The following SLC9A3 variants were observed in gnomAD, a reference collection of about 807,000 sequenced individuals.
SLC9A3 encodes the protein sodium/hydrogen exchanger 3.
In SLC9A3, 37 loss-of-function variants were observed where a neutral mutation model predicts 86.8. That is an observed-to-expected ratio of 0.43 (90% confidence interval 0.33 to 0.56). The LOEUF is 0.56. Among genes scored for constraint, SLC9A3 ranks in the 20% least tolerant of loss-of-function variants. SLC9A3 has a pLI of 0.06. For synonymous variants in SLC9A3, 581 were observed against 528.3 expected (o/e 1.10, Z -1.37); for missense variants, 1,011 against 1,171.9 (o/e 0.86, Z 2.00).
At chr5:486,904 A>C (rs868389377) in intron 3 of SLC9A3, among the ~76,000 whole-genome samples, 3 of 104,386 alleles carry the variant, frequency 2.9e-5, no homozygotes, top group African/African-American at 1.2e-4. Context: ...ACCGTGATCC[A>C]GACCGCACTG....
chr5:498,302 G>A (rs1429474384), intron 1 of SLC9A3, among the ~76,000 whole-genome samples: 2 of 152,152 alleles, frequency 1.3e-5, no homozygotes, highest in African/African-American at 2.4e-5. Context: ...TTTCCGTGGT[G>A]TGAGGTACGG....
intron 1 of SLC9A3, among the ~76,000 whole-genome samples, chr5:493,018 G>C (rs958306249): frequency 1.3e-5 from 2 of 152,002 alleles, no homozygotes; most frequent in East Asian, 3.9e-4. Context: ...CAGCACCATC[G>C]CCCCTGCCAG....
In SLC9A3 at chr5:497,732, C is replaced by T. The variant is rs1740086516; in HGVS notation, c.212-5661G>A. Among the ~76,000 whole-genome samples the T allele has an allele frequency of 9.2e-6, 1 of 108,984 alleles. No individual in the cohort carries two copies. Among genetic ancestry groups the T allele is most frequent in the African/African-American group, 3.7e-5 (1 of 27,060 alleles). The allele number at this position is 108,984 out of a possible 152,430, so 71.5% of individuals were successfully genotyped here. ...CCCTGTCCTGGGTGGGGTCGCCCGGCCGCATCCCCAGCCTCTGCCCCTGTC... is the reference window on the plus strand; with the variant it reads ...CCCTGTCCTGGGTGGGGTCGCCCGGTCGCATCCCCAGCCTCTGCCCCTGTC... On this transcript the variant is annotated intron_variant, in intron 1 of 16. Transcript: ENST00000264938. This position sits in a 1 kb window ranked among gnomAD's most constrained non-coding sequence, Gnocchi z 5.4.
At chr5:521,106 T>C (rs1338563547) in intron 1 of SLC9A3, among the ~76,000 whole-genome samples, 2 of 152,208 alleles carry the variant, frequency 1.3e-5, no homozygotes, top group Non-Finnish European at 1.5e-5. Context: ...GTCTGGGAGG[T>C]CTGCGCTGTG....
At position 482,041 on chromosome 5, in the gene SLC9A3, C is replaced by T. The variant is rs1560954068; in HGVS notation, c.1446+27G>A. 1.7e-5 allele frequency: 9 copies of T among 528,250 alleles called. No homozygotes were observed. The Admixed American group carries it at 2.1e-4, about 12-fold the overall frequency. The allele number at this position is 528,250 out of a possible 1,614,324, so 32.7% of individuals were successfully genotyped here. On this transcript the variant is annotated intron_variant, in intron 8 of 16. Coordinates refer to ENST00000264938, the MANE Select transcript of SLC9A3 (RefSeq NM_004174.4). ...AGCCCCGAGGAACACGCAGTGCCCC[C>T]CCCCCGCCCCCCAGCCCCGCACTTA...
chr5:475,990 C>G (rs1738701485), intron 14 of SLC9A3, 30 bp downstream of exon 14: 1 of 1,575,362 alleles, frequency 6.3e-7, no homozygotes, highest in Middle Eastern at 1.8e-4. Flanking sequence ...GGCTCCCAGT[C>G]CCAGCGTTCC....
intron 14 of SLC9A3, 29 bp from the exon 15 acceptor site, chr5:475,700 G>T: frequency 1.6e-6 from 2 of 1,212,480 alleles, no homozygotes; most frequent in Non-Finnish European, 2.4e-6. Flanking sequence ...GGTGAGGACT[G>T]GGGTCACTGG....
Position 472,323 on chromosome 5 carries a change from G to T in SLC9A3, c.*1056C>A, listed in dbSNP as rs1479476858. On this transcript the variant is annotated 3_prime_UTR_variant, in exon 17 of 17. Coordinates refer to ENST00000264938, the MANE Select transcript of SLC9A3 (RefSeq NM_004174.4). ...GGGGTCTCAGCAGGTTCTCCTTGGA[G>T]GGCCTGAGCCTGGTAGGGGGGCGGT... 5.9e-6 allele frequency: 2 copies of T among 337,436 alleles called. No homozygotes were observed. Among genetic ancestry groups the T allele is most frequent in the African/African-American group, 4.3e-5 (2 of 46,296 alleles). The allele number at this position is 337,436 out of a possible 1,614,324, so 20.9% of individuals were successfully genotyped here.
intron 3 of SLC9A3, 86 bp from the exon 4 acceptor site, chr5:485,317 G>T: frequency 1.8e-6 from 2 of 1,088,764 alleles, no homozygotes; most frequent in Non-Finnish European, 2.8e-6. Flanking sequence ...GACTTGGCCC[G>T]AGTGTGGAGC....
Position 485,166 on chromosome 5 carries a change from G to A in SLC9A3, c.741C>T (p.Cys247=), listed in dbSNP as rs114326443. The part of the protein sequence containing the change: ...LGGDNVTGVD[C]VKGIVSFFVV... ...ACAGCTACACACCTATGCCCTTCACGCAGTCCACGCCAGTCACGTTGTCAC... is the reference window on the plus strand; with the variant it reads ...ACAGCTACACACCTATGCCCTTCACACAGTCCACGCCAGTCACGTTGTCAC... The change falls in exon 4 of 17, where the codon TGC becomes TGT. Residue 247 remains cysteine, a synonymous_variant. Transcript: ENST00000264938. 1,332 of 1,613,162 alleles carry A rather than the reference G, an allele frequency of 8.3e-4. 5 individuals are homozygous for A. The African/African-American group carries it at 0.014, about 17-fold the overall frequency.
intron 1 of SLC9A3, 47 bp downstream of exon 1, chr5:524,065 C>T (rs762890666): frequency 3.0e-6 from 4 of 1,327,106 alleles, no homozygotes; most frequent in South Asian, 2.9e-5. Context: ...CCAGCAGAGG[C>T]GGCCGCACAC....
At position 497,647 on chromosome 5, in the gene SLC9A3, G is replaced by T. The variant is rs113489084; in HGVS notation, c.212-5576C>A. ...TCAAAGAAGCTTCCTGAAGCTTCCA[G>T]ATCCCCTGCAGCCCCCCTGAGCCGC... is the stretch of plus-strand genomic sequence containing the variant. On this transcript the variant is annotated intron_variant, in intron 1 of 16. Transcript: ENST00000264938. This position sits in a 1 kb window ranked among gnomAD's most constrained non-coding sequence, Gnocchi z 5.4. Among the ~76,000 whole-genome samples, 2,233 of 151,638 alleles carry T rather than the reference G, an allele frequency of 0.015. 25 individuals are homozygous for T. Among genetic ancestry groups the T allele is most frequent in the Non-Finnish European group, 0.022 (1,507 of 67,544 alleles).
In SLC9A3 at chr5:497,998, G is replaced by A. The variant is rs12188556; in HGVS notation, c.212-5927C>T. 0.07 allele frequency among the ~76,000 whole-genome samples: 10,554 copies of A among 151,560 alleles called. 871 individuals carry two copies. Among genetic ancestry groups the A allele is most frequent in the Non-Finnish European group, 0.093 (6,292 of 67,484 alleles). ...TCGCTTGTGGGAGTCCCTGCCTCAC[G>A]GATGCCGGCCTCCTGCCTCGGCCAC... is the stretch of plus-strand genomic sequence containing the variant. On this transcript the variant is annotated intron_variant, in intron 1 of 16. Coordinates refer to ENST00000264938, the MANE Select transcript of SLC9A3 (RefSeq NM_004174.4). This position sits in a 1 kb window ranked among gnomAD's most constrained non-coding sequence, Gnocchi z 5.4.
At position 475,640 on chromosome 5, in the gene SLC9A3, G is replaced by T; in HGVS notation, c.2172C>A (p.Pro724=). ...CCCCACTCATCTCCTCATCATAGTT[G>T]GGGGGCTCCTCGGTGTCTGAAAGTT... ...DLELSDTEEP[P]NYDEEMSGGI... is the part of the protein sequence containing the mutation. Residue 724 remains proline (P), a synonymous_variant, in exon 15 of 17, where the codon CCC becomes CCA. Coordinates refer to ENST00000264938, the MANE Select transcript of SLC9A3 (RefSeq NM_004174.4). 4 of 1,551,640 alleles carry T rather than the reference G, an allele frequency of 2.6e-6. No homozygotes were observed. The highest frequency in any genetic ancestry group is 3.5e-6 in the Non-Finnish European group (4 of 1,146,618).
At chr5:492,373 T>TCGGGGGG (rs1560961644) in intron 1 of SLC9A3, among the ~76,000 whole-genome samples, 4 of 15,208 alleles carry the variant, frequency 2.6e-4, no homozygotes, top group African/African-American at 6.1e-4. Context: ...GGGAGGGAGG[T>TCGGGGGG]AGGGGGGAAC....
intron 1 of SLC9A3, among the ~76,000 whole-genome samples, chr5:504,422 T>G (rs1193894123): frequency 6.6e-6 from 1 of 152,196 alleles, no homozygotes; most frequent in Non-Finnish European, 1.5e-5. Context: ...CAGGACTGGC[T>G]GAACCTTGAG....
At position 472,818 on chromosome 5, in the gene SLC9A3, C is replaced by T. The variant is rs1431440080; in HGVS notation, c.*561G>A. On this transcript the variant is annotated 3_prime_UTR_variant, in exon 17 of 17. Coordinates refer to ENST00000264938, the MANE Select transcript of SLC9A3 (RefSeq NM_004174.4). ...CCCTGAGTCGGTCCCCGAGTCAGTC[C>T]CCGGGCGCGGGGCTCGGTTGGGGGG... 1 of 557,988 alleles carries T rather than the reference C, an allele frequency of 1.8e-6. No homozygotes were observed. The highest frequency in any genetic ancestry group is 4.0e-5 in the East Asian group (1 of 24,746). 34.6% of individuals were successfully genotyped at this position (557,988 alleles called of 1,614,324 possible). A position where few individuals can be genotyped will look rare whatever the true frequency, so the allele number is the denominator to read the frequency against.
In SLC9A3 at chr5:524,167, C is replaced by T. The variant is rs1376620299; in HGVS notation, c.156G>A (p.Val52=). The change falls in exon 1 of 17, where the codon GTG becomes GTA. Residue 52 remains valine, a synonymous_variant. Coordinates refer to ENST00000264938, the MANE Select transcript of SLC9A3 (RefSeq NM_004174.4). ...FQVVTFEWAH[V]QDPYVIALWI... ...AGAGCGCGATGACGTAGGGATCCTG[C>T]ACGTGGGCCCACTCGAAGGTGACCA... The T allele has an allele frequency of 6.5e-7, 1 of 1,547,644 alleles. No individual in the cohort carries two copies. Among genetic ancestry groups the T allele is most frequent in the East Asian group, 2.6e-5 (1 of 37,974 alleles).
chr5:480,171 A>G (rs979535427), intron 9 of SLC9A3: 53 of 544,860 alleles, frequency 9.7e-5, no homozygotes, highest in Admixed American at 2.0e-4. Context: ...CGTTAGACGC[A>G]TATGAAACTG....
Sources: allele counts gnomAD v4.1 joint callset (sites outside exome capture counted in the v4.1 genomes callset), GRCh38; gene constraint gnomAD v4.1.1; non-coding constraint Gnocchi (gnomAD v3.1); transcripts MANE v1.5; gene names NCBI Gene and HGNC (gene_info 2026-07-23, HGNC 2026-07-21).